BEST4: variants seen among roughly 807,000 people sequenced by gnomAD.
BEST4 encodes the protein bestrophin 4, also known as bestrophin-4.
In BEST4, 36 loss-of-function variants were observed where a neutral mutation model predicts 47.1. That is an observed-to-expected ratio of 0.76 (90% CI 0.59 to 1.01). The LOEUF is 1.01. Ranked by LOEUF, BEST4 falls within the 50% of genes least tolerant of loss-of-function variation. BEST4 has a pLI of 0.00. For missense variants in BEST4, 550 were observed against 648.6 expected, an observed-to-expected ratio of 0.85 and a Z score of 1.65; for synonymous variants, 250 against 277.8, an observed-to-expected ratio of 0.90 and a Z score of 1.00.
upstream of BEST4, among the ~76,000 whole-genome samples, chr1:44,791,941 C>T (rs548232688): frequency 4.2e-4 from 64 of 152,200 alleles, no homozygotes; most frequent in African/African-American, 1.5e-3. Context: ...GCCATTGAAC[C>T]TTTTAAATTC....
chr1:44,786,777 A>C lies in BEST4; in HGVS notation c.248-81T>G. On this transcript the variant is annotated intron_variant, in intron 2 of 8. Transcript: ENST00000372207. The surrounding 1 kb of genome is among the most constrained non-coding windows in gnomAD (Gnocchi z 4.9). ...CGGAGCGCCTCACCTCCCCCAGCAA[A>C]GGGCCTGGTCCAGGCCAGTTGAATC... The C allele has an allele frequency of 9.1e-7, 1 of 1,101,790 alleles. No homozygotes were observed. Among genetic ancestry groups the C allele is most frequent in the Non-Finnish European group, 1.3e-6 (1 of 763,920 alleles). 68.3% of individuals were successfully genotyped at this position (1,101,790 alleles called of 1,614,324 possible).
Position 44,785,405 on chromosome 1 carries a change from A to G in BEST4, c.715-100T>C, listed in dbSNP as rs148309830. ...CTATGGGAAGTCTGACAAGTAATCA[A>G]ACATGTATCCTGGTGTGGCAGTACC... On this transcript the variant is annotated intron_variant, in intron 5 of 8. Transcript: ENST00000372207. 5.3e-4 allele frequency: 719 copies of G among 1,347,880 alleles called. 4 individuals are homozygous for G. The African/African-American group carries it at 9.9e-3, about 19-fold the overall frequency. 83.5% of individuals were successfully genotyped at this position (1,347,880 alleles called of 1,614,324 possible).
At chr1:44,792,749 C>T (rs1022599230), upstream of BEST4, among the ~76,000 whole-genome samples, 2 of 151,802 alleles carry the variant, frequency 1.3e-5, no homozygotes, top group Non-Finnish European at 2.9e-5. Flanking sequence ...AGATTCTGGC[C>T]CAAGCACGGT....
Position 44,784,148 on chromosome 1 carries a change from ACCGGGCACGGGAGGGAAGGAGGG to A in BEST4, c.*39_*61del. 1.5e-6 allele frequency: 2 copies of A among 1,344,378 alleles called. No individual in the cohort carries two copies. Among genetic ancestry groups the A allele is most frequent in the East Asian group, 6.2e-5 (2 of 32,316 alleles). 83.3% of individuals were successfully genotyped at this position (1,344,378 alleles called of 1,614,324 possible). On this transcript the variant is annotated 3_prime_UTR_variant, in exon 9 of 9. Coordinates refer to ENST00000372207, the MANE Select transcript of BEST4 (RefSeq NM_153274.3). This position sits in a 1 kb window ranked among gnomAD's most constrained non-coding sequence, Gnocchi z 6.2. ...TGCTCTAATAGAGCTGGCTGGCAGG[ACCGGGCACGGGAGGGAAGGAGGG>A]CAGTGGGTGGGGGAAACCGGGCGGG... is the stretch of plus-strand genomic sequence containing the variant.
At chr1:44,785,747 C>T (rs1651196107) in intron 4 of BEST4, 71 bp from the exon 5 acceptor site, 11 of 1,333,508 alleles carry the variant, frequency 8.2e-6, no homozygotes, top group Non-Finnish European at 8.4e-6. Context: ...ACAAACTAGG[C>T]CTGGGCCTGG....
chr1:44,786,393 G>T lies in BEST4; in HGVS notation c.481+70C>A. The T allele has an allele frequency of 6.9e-7, 1 of 1,441,964 alleles. No homozygotes were observed. The highest frequency in any genetic ancestry group is 1.4e-5 in the South Asian group (1 of 73,898). The allele number at this position is 1,441,964 out of a possible 1,614,324, so 89.3% of individuals were successfully genotyped here. ...CCTTCCCTGGAGGCCCCTGCTCCCAGGACTCTCCCAGGCGCCACCTGCATC... is the reference window on the plus strand; with the variant it reads ...CCTTCCCTGGAGGCCCCTGCTCCCATGACTCTCCCAGGCGCCACCTGCATC... On this transcript the variant is annotated intron_variant, in intron 3 of 8. Transcript: ENST00000372207. The surrounding 1 kb of genome is among the most constrained non-coding windows in gnomAD (Gnocchi z 4.9).
At position 44,784,921 on chromosome 1, in the gene BEST4, A is replaced by G. The variant is rs377207881; in HGVS notation, c.977T>C (p.Ile326Thr). The G allele has an allele frequency of 1.2e-6, 2 of 1,614,156 alleles. No individual in the cohort carries two copies. The highest frequency in any genetic ancestry group is 1.1e-5 in the South Asian group (1 of 91,088). Residue 326 changes from isoleucine (I) to threonine (T), a missense_variant, in exon 7 of 9, where the codon ATA becomes ACA. Transcript: ENST00000372207. The surrounding 1 kb of genome is among the most constrained non-coding windows in gnomAD (Gnocchi z 6.2). ...DDDDFETNQL[I>T]DRNLQVSLLS... ...CTTGCTCACCTGCAAGTTGCGGTCT[A>G]TGAGCTGATTTGTCTCAAAGTCGTC...
At chr1:44,789,530 C>T (rs934126590), upstream of BEST4, among the ~76,000 whole-genome samples, 5 of 151,944 alleles carry the variant, frequency 3.3e-5, no homozygotes, top group African/African-American at 1.2e-4. Context: ...GAAACCCCAT[C>T]TCTACTAAAA....
At chr1:44,782,523 G>C (rs771187319), downstream of BEST4, among the ~76,000 whole-genome samples, 1 of 151,958 alleles carries the variant, frequency 6.6e-6, no homozygotes, top group African/African-American at 2.4e-5. Flanking sequence ...CCAGCTACTC[G>C]GGAGGCTGAG....
At chr1:44,788,454 G>A (rs936634266), upstream of BEST4, among the ~76,000 whole-genome samples, 1 of 152,204 alleles carries the variant, frequency 6.6e-6, no homozygotes, top group Non-Finnish European at 1.5e-5. Context: ...ATGATAAACT[G>A]TTATAATAAT....
upstream of BEST4, among the ~76,000 whole-genome samples, chr1:44,792,341 C>T (rs1021429763): frequency 9.3e-5 from 14 of 150,928 alleles, no homozygotes; most frequent in Non-Finnish European, 5.9e-5. Context: ...GTGGGAGAAT[C>T]GCTTGAACCT....
chr1:44,783,151 C>T (rs1651090427), downstream of BEST4, among the ~76,000 whole-genome samples: 1 of 152,206 alleles, frequency 6.6e-6, no homozygotes, highest in South Asian at 2.1e-4. Context: ...GATGCGGTTT[C>T]ACCACGTTGG....
rs1289798454 is a variant in BEST4 at position 44,786,582 on chromosome 1, C to T, written c.362G>A (p.Gly121Asp). Residue 121 changes from glycine (G) to aspartate (D), a missense_variant, in exon 3 of 9, where the codon GGC becomes GAC. Physicochemically the swap from Gly to Asp is moderately conservative, Grantham distance 94. This residue lies in a region of BEST4 where 291 missense variants were observed against 342.4 expected (regional missense o/e 0.85). Coordinates refer to ENST00000372207, the MANE Select transcript of BEST4 (RefSeq NM_153274.3). This position sits in a 1 kb window ranked among gnomAD's most constrained non-coding sequence, Gnocchi z 4.9. ...SASVHGVDQR[G>D]RLLRRTLIRY... ...GATGAGGGTGCGGCGCAGCAGGCGG[C>T]CCCGCTGGTCCACGCCGTGCACGCT... 97 of 1,550,388 alleles carry T rather than the reference C, an allele frequency of 6.3e-5. No homozygotes were observed. Among genetic ancestry groups the T allele is most frequent in the Non-Finnish European group, 8.5e-5 (97 of 1,146,950 alleles).
At position 44,787,841 on chromosome 1, in the gene BEST4, G is replaced by A; in HGVS notation, c.-136C>T. 3.8e-6 allele frequency: 4 copies of A among 1,055,156 alleles called. No homozygotes were observed. The highest frequency in any genetic ancestry group is 2.7e-6 in the Non-Finnish European group (2 of 734,084). The allele number at this position is 1,055,156 out of a possible 1,614,324, so 65.4% of individuals were successfully genotyped here. ...TGCGTCAGTGGACAAGGGGGTAGGAGCCTGCAGAGCAGAAAAGTACACCCC... is the reference window on the plus strand; with the variant it reads ...TGCGTCAGTGGACAAGGGGGTAGGAACCTGCAGAGCAGAAAAGTACACCCC... On this transcript the variant is annotated 5_prime_UTR_variant, in exon 1 of 9. Transcript: ENST00000372207.
upstream of BEST4, among the ~76,000 whole-genome samples, chr1:44,788,679 G>A (rs531958436): frequency 6.6e-6 from 1 of 152,324 alleles, no homozygotes; most frequent in South Asian, 2.1e-4. Context: ...CAGGGCTGAT[G>A]GACTTCCAAG....
chr1:44,783,321 C>G (rs1651097481), downstream of BEST4, among the ~76,000 whole-genome samples: 1 of 152,158 alleles, frequency 6.6e-6, no homozygotes, highest in South Asian at 2.1e-4. Context: ...GGAGATGGGC[C>G]TAGGCTTCTA....
At chr1:44,783,181 C>T (rs761328930), downstream of BEST4, among the ~76,000 whole-genome samples, 2 of 152,212 alleles carry the variant, frequency 1.3e-5, no homozygotes, top group African/African-American at 4.8e-5. Context: ...TCTTTAACTC[C>T]TGGCCTCTGG....
Position 44,784,491 on chromosome 1 carries a change from C to T in BEST4, c.1149-8G>A, listed in dbSNP as rs1338346133. ...TCAGGGTCGTCGCTCATGCTGCGGG[C>T]GGGAGGGCGGGCTGAGCCGGGGCAC... is the stretch of plus-strand genomic sequence containing the variant. On this transcript the variant is annotated splice_polypyrimidine_tract_variant and splice_region_variant and intron_variant, in intron 8 of 8. Coordinates refer to ENST00000372207, the MANE Select transcript of BEST4 (RefSeq NM_153274.3). The surrounding 1 kb of genome is among the most constrained non-coding windows in gnomAD (Gnocchi z 6.2). The T allele has an allele frequency of 4.0e-5, 10 of 251,938 alleles. No individual in the cohort carries two copies. Among genetic ancestry groups the T allele is most frequent in the Non-Finnish European group, 7.4e-5 (10 of 134,814 alleles). The allele number at this position is 251,938 out of a possible 1,614,324, so 15.6% of individuals were successfully genotyped here. A position where few individuals can be genotyped will look rare whatever the true frequency, so the allele number is the denominator to read the frequency against.
intron 2 of BEST4, 119 bp downstream of exon 2, chr1:44,787,253 C>A (rs1651275643): frequency 2.1e-6 from 2 of 942,524 alleles, no homozygotes; most frequent in Non-Finnish European, 1.7e-6. Flanking sequence ...GTAGCTGAGA[C>A]TGCAGGTGTG....
Sources: gnomAD v4.1 joint callset for allele counts (sites outside exome capture counted in the v4.1 genomes callset) on GRCh38, gnomAD v4.1.1 for gene constraint, gnomAD v4.1.1 regional missense constraint, Gnocchi (gnomAD v3.1) non-coding constraint, MANE v1.5 for transcripts, NCBI Gene and HGNC (gene_info 2026-07-23, HGNC 2026-07-21) for gene names.